Variants in KIFC3 observed in about 807,000 individuals in gnomAD.
The protein encoded by KIFC3 is kinesin-like protein KIFC3.
Under a neutral mutation model 101.8 loss-of-function variants are expected in KIFC3, and 60 were observed. That is an observed-to-expected ratio of 0.59 (90% CI 0.48 to 0.73). The LOEUF is 0.73. KIFC3 is among the 30% of genes least tolerant of loss of function. The pLI, the probability that KIFC3 is intolerant of heterozygous loss-of-function variation, is 0.00. For synonymous variants in KIFC3, 476 were observed against 482.7 expected, an observed-to-expected ratio of 0.99 and a Z score of 0.18; for missense variants, 966 against 1,137.1, an observed-to-expected ratio of 0.85 and a Z score of 2.16.
intron 1 of KIFC3, among the ~76,000 whole-genome samples, chr16:57,836,724 C>A (rs2055695788): frequency 6.6e-6 from 1 of 151,876 alleles, no homozygotes; most frequent in Non-Finnish European, 1.5e-5. Context: ...CAGGGTCTTG[C>A]TCTGTTGCGC....
In KIFC3 at chr16:57,857,836, T is replaced by C. The variant is rs1430970293; in HGVS notation, c.108+4893A>G. Among the ~76,000 whole-genome samples the C allele has an allele frequency of 5.7e-5, 8 of 139,966 alleles. 1 individual carries two copies. Among genetic ancestry groups the C allele is most frequent in the Non-Finnish European group, 1.2e-4 (8 of 64,734 alleles). The allele number at this position is 139,966 out of a possible 152,430, so 91.8% of individuals were successfully genotyped here. On this transcript the variant is annotated intron_variant, in intron 1 of 2. Transcript: ENST00000563028. ...TTTCTTTCTTTCTTTTTTTTTTTTT[T>C]TTTTTTTTGAGACAGAGTCTCTCTC...
chr16:57,832,995 G>T (rs2055615535), intron 1 of KIFC3, among the ~76,000 whole-genome samples: 1 of 152,068 alleles, frequency 6.6e-6, no homozygotes, highest in South Asian at 2.1e-4. Flanking sequence ...ATCACCTGAG[G>T]TCAGGAGTTC....
At position 57,770,544 on chromosome 16, in the gene KIFC3, C is replaced by T. The variant is rs1420495190; in HGVS notation, c.922G>A (p.Ala308Thr). Residue 308 changes from alanine to threonine, a missense_variant, in exon 7 of 20, where the codon GCG becomes ACG. Coordinates refer to ENST00000445690, the MANE Select transcript of KIFC3 (RefSeq NM_001130100.2). The stretch of plus-strand genomic sequence containing the variant: ...CTGGGTACCTGCGCCCGGAGCCGCG[C>T]GGTCAGCTGGTGTGAGCTCTGCAGC... ...QQLQSSHQLTARLRAQIAMYE... is the reference protein window; with the variant it reads ...QQLQSSHQLTTRLRAQIAMYE... 4.8e-6 allele frequency: 7 copies of T among 1,458,934 alleles called. No individual in the cohort carries two copies. The highest frequency in any genetic ancestry group is 1.8e-4 in the Middle Eastern group (1 of 5,676). The allele number at this position is 1,458,934 out of a possible 1,614,324, so 90.4% of individuals were successfully genotyped here. A position where few individuals can be genotyped will look rare whatever the true frequency, so the allele number is the denominator to read the frequency against.
intron 1 of KIFC3, chr16:57,816,287 C>T (rs1568081454): frequency 1.6e-6 from 2 of 1,277,644 alleles, no homozygotes; most frequent in Admixed American, 2.3e-5. Context: ...ACCCAGAAGC[C>T]TGAGGAAGTA....
intron 1 of KIFC3, among the ~76,000 whole-genome samples, chr16:57,819,445 A>G (rs1269241036): frequency 3.3e-5 from 5 of 152,248 alleles, no homozygotes; most frequent in Admixed American, 3.3e-4. Context: ...ACTCCGAGAT[A>G]TCTCCTGTTT....
rs1555605806 is a variant in KIFC3 at position 57,769,667 on chromosome 16, G to A, written c.1146C>T (p.Tyr382=). ...QPALRTLTND[Y]NGLKRQVRGF... ...CGCGCACCTGCCGCTTGAGCCCATTGTAGTCGTTGGTGAGGGTCCGCAGTG... is the reference window on the plus strand; with the variant it reads ...CGCGCACCTGCCGCTTGAGCCCATTATAGTCGTTGGTGAGGGTCCGCAGTG... The change falls in exon 9 of 20, where the codon TAC becomes TAT. Residue 382 remains tyrosine, a synonymous_variant. Transcript: ENST00000445690. This position sits in a 1 kb window ranked among gnomAD's most constrained non-coding sequence, Gnocchi z 4.3. 1 of 1,612,132 alleles carries A rather than the reference G, an allele frequency of 6.2e-7. No individual in the cohort carries two copies. The highest frequency in any genetic ancestry group is 1.3e-5 in the African/African-American group (1 of 74,900).
At chr16:57,778,273 T>C (rs1339543796) in intron 3 of KIFC3, among the ~76,000 whole-genome samples, 1 of 152,162 alleles carries the variant, frequency 6.6e-6, no homozygotes, top group Admixed American at 6.5e-5. Flanking sequence ...CAGCAAGATC[T>C]TGTGTCAAAA....
In KIFC3 at chr16:57,762,284, G is replaced by A. The variant is rs1555598845; in HGVS notation, c.1618-14C>T. On this transcript the variant is annotated splice_polypyrimidine_tract_variant and intron_variant, in intron 12 of 19. Coordinates refer to ENST00000445690, the MANE Select transcript of KIFC3 (RefSeq NM_001130100.2). ...CTCAGCGGTCCCCTGGGGACAGAAG[G>A]AAAGGCCCCAGTAAGCCAGGCCTGT... 2 of 1,532,300 alleles carry A rather than the reference G, an allele frequency of 1.3e-6. No individual in the cohort carries two copies. The highest frequency in any genetic ancestry group is 1.2e-5 in the South Asian group (1 of 83,388). 94.9% of individuals were successfully genotyped at this position (1,532,300 alleles called of 1,614,324 possible). A position where few individuals can be genotyped will look rare whatever the true frequency, so the allele number is the denominator to read the frequency against.
At chr16:57,813,968 G>T (rs1598194195) in intron 1 of KIFC3, 2 of 606,524 alleles carry the variant, frequency 3.3e-6, no homozygotes, top group African/African-American at 2.0e-5. Flanking sequence ...TCCCGCTACT[G>T]TCCTCATGCT....
rs139685023 is a variant in KIFC3, at chr16:57,816,324, C to T, written c.109-18042G>A. On this transcript the variant is annotated intron_variant, in intron 1 of 2. Transcript: ENST00000563028. Reference sequence around the variant, plus strand: ...GGAAGTGCGGTGGGATCTGTCTTCCCGTGTGTCTTCAGGATCCTGGGGCCT... The same window carrying T: ...GGAAGTGCGGTGGGATCTGTCTTCCTGTGTGTCTTCAGGATCCTGGGGCCT... 1,262 of 1,152,680 alleles carry T rather than the reference C, an allele frequency of 1.1e-3. 10 individuals are homozygous for T. Among genetic ancestry groups the T allele is most frequent in the South Asian group, 7.4e-3 (583 of 78,262 alleles). The allele number at this position is 1,152,680 out of a possible 1,614,324, so 71.4% of individuals were successfully genotyped here.
intron 3 of KIFC3, chr16:57,776,218 G>A: frequency 1.0e-6 from 1 of 985,528 alleles, no homozygotes; most frequent in Non-Finnish European, 1.2e-6. Flanking sequence ...GGGAAGGCCA[G>A]AGGGTCTGGG....
rs549535709 is a variant in KIFC3, at chr16:57,840,777, A to AAAT, written c.108+21951_108+21952insATT. Among the ~76,000 whole-genome samples the AAAT allele has an allele frequency of 2.1e-3, 320 of 150,876 alleles. 3 individuals carry two copies. Among genetic ancestry groups the AAAT allele is most frequent in the African/African-American group, 7.1e-3 (290 of 40,826 alleles). ...CTCTGTCTCAAAAAAAAAAAAAAAA[A>AAAT]AGTTAAAATAAACCTAGCACAGGTT... On this transcript the variant is annotated intron_variant, in intron 1 of 2. Coordinates refer to the KIFC3 transcript ENST00000563028.
intron 15 of KIFC3, 23 bp downstream of exon 15, chr16:57,761,019 G>A (rs782785807): frequency 3.6e-5 from 57 of 1,603,306 alleles, no homozygotes; most frequent in African/African-American, 5.3e-5. Flanking sequence ...GGATCCTCAG[G>A]CCAGGCTGCC....
chr16:57,860,354 A>G (rs1246336823), intron 1 of KIFC3, among the ~76,000 whole-genome samples: 3 of 152,024 alleles, frequency 2.0e-5, no homozygotes, highest in Admixed American at 6.6e-5. Flanking sequence ...TCAGGAGGCT[A>G]AGGCAGGAGA....
intron 6 of KIFC3, 44 bp downstream of exon 6, chr16:57,771,154 A>G: frequency 6.2e-7 from 1 of 1,601,360 alleles, no homozygotes; most frequent in Non-Finnish European, 8.5e-7. Context: ...CCCAGGTGCC[A>G]GGGGCCTTGG....
chr16:57,770,284 A>G (rs1196223311), intron 7 of KIFC3, among the ~76,000 whole-genome samples: 5 of 152,238 alleles, frequency 3.3e-5, no homozygotes, highest in African/African-American at 9.6e-5. Context: ...GGCCGTGGGC[A>G]CAAAGCTTCT....
chr16:57,760,545 G>T, intron 16 of KIFC3, 129 bp from the exon 17 acceptor site: 1 of 1,186,542 alleles, frequency 8.4e-7, no homozygotes, highest in Non-Finnish European at 1.2e-6. Context: ...TGGGAGGGCA[G>T]GCAACATGGC....
At chr16:57,844,386 TG>T (rs1380431946) in intron 1 of KIFC3, among the ~76,000 whole-genome samples, 1 of 143,218 alleles carries the variant, frequency 7.0e-6, no homozygotes, top group African/African-American at 2.6e-5. Flanking sequence ...GCCGAGATCT[TG>T]CCATTGCACT....
chr16:57,759,694 A>T, intron 18 of KIFC3, 34 bp downstream of exon 18: 1 of 1,523,412 alleles, frequency 6.6e-7, no homozygotes, highest in Non-Finnish European at 9.0e-7. Context: ...TACCCTGGGG[A>T]GACTCCCCAC....
Sources: allele counts gnomAD v4.1 joint callset (sites outside exome capture counted in the v4.1 genomes callset), GRCh38; gene constraint gnomAD v4.1.1; non-coding constraint Gnocchi (gnomAD v3.1); transcripts MANE v1.5; gene names NCBI Gene and HGNC (gene_info 2026-07-23, HGNC 2026-07-21).